The following LMX1A variants were observed in gnomAD, a reference collection of about 807,000 sequenced individuals.
LMX1A encodes the protein LIM homeobox transcription factor 1 alpha.
Under a neutral mutation model 49.1 loss-of-function variants are expected in LMX1A, and 15 were observed. The ratio of observed to expected loss-of-function variants is 0.31; its 90% CI spans 0.20 to 0.47. The LOEUF is 0.47. Ranked by LOEUF, LMX1A falls within the 20% of genes least tolerant of loss-of-function variation. LMX1A has a pLI of 1.00. For missense variants in LMX1A, 372 were observed against 475.8 expected (o/e 0.78, Z 2.03); for synonymous variants, 167 against 185.7 (o/e 0.90, Z 0.82).
chr1:165,346,204 A>G (rs999408388), intron 3 of LMX1A, among the ~76,000 whole-genome samples: 1 of 152,208 alleles, frequency 6.6e-6, no homozygotes, highest in African/African-American at 2.4e-5. Flanking sequence ...CTATCACTCT[A>G]TTATACAACA....
At chr1:165,341,402 C>T (rs1656071749) in intron 3 of LMX1A, among the ~76,000 whole-genome samples, 1 of 152,132 alleles carries the variant, frequency 6.6e-6, no homozygotes, top group Admixed American at 6.5e-5. Flanking sequence ...AACATGTCAC[C>T]TTTTCCATGA....
chr1:165,307,762 G>A (rs2101730689), intron 3 of LMX1A, among the ~76,000 whole-genome samples: 1 of 152,300 alleles, frequency 6.6e-6, no homozygotes, highest in East Asian at 1.9e-4. Context: ...CTGGACCACA[G>A]GTAGAAGGAC....
intron 7 of LMX1A, 69 bp from the exon 8 acceptor site, chr1:165,206,103 A>C: frequency 1.5e-6 from 2 of 1,370,742 alleles, no homozygotes; most frequent in Non-Finnish European, 9.9e-7. Context: ...CTGGGTCCTG[A>C]TTCCCTCATT....
At chr1:165,276,266 A>C (rs192573292) in intron 3 of LMX1A, among the ~76,000 whole-genome samples, 2 of 152,254 alleles carry the variant, frequency 1.3e-5, no homozygotes. Context: ...AGAGGTCTTG[A>C]ATGCTGAGAC....
rs1045824932 is a variant in LMX1A at position 165,316,512 on chromosome 1, A to G, written c.263+36564T>C. Among the ~76,000 whole-genome samples the G allele has an allele frequency of 7.2e-5, 11 of 152,160 alleles. 1 individual carries two copies. Among genetic ancestry groups the G allele is most frequent in the Admixed American group, 7.2e-4 (11 of 15,278 alleles). ...ATGGGCACCCTTGGCAGTAAGACTT[A>G]TGACTCCCTCAAGCTGCTTCACAAG... On this transcript the variant is annotated intron_variant, in intron 3 of 8. Transcript: ENST00000342310.
intron 4 of LMX1A, among the ~76,000 whole-genome samples, chr1:165,222,427 C>T (rs576221508): frequency 2.6e-5 from 4 of 152,246 alleles, no homozygotes; most frequent in African/African-American, 4.8e-5. Flanking sequence ...TTAAGTGGAT[C>T]GAATACCATC....
intron 3 of LMX1A, among the ~76,000 whole-genome samples, chr1:165,344,759 C>T (rs1656183046): frequency 6.6e-6 from 1 of 152,246 alleles, no homozygotes; most frequent in Admixed American, 6.5e-5. Context: ...ATTCCTGATT[C>T]TCTCCAGTGA....
intron 4 of LMX1A, among the ~76,000 whole-genome samples, chr1:165,234,950 C>T (rs1157644550): frequency 1.3e-5 from 2 of 152,100 alleles, no homozygotes; most frequent in African/African-American, 4.8e-5. Flanking sequence ...AGCAAACATT[C>T]ATAGAAAGCA....
intron 3 of LMX1A, among the ~76,000 whole-genome samples, chr1:165,340,160 T>A (rs534772583): frequency 1.3e-5 from 2 of 152,248 alleles, no homozygotes; most frequent in African/African-American, 4.8e-5. Flanking sequence ...CAGGTTGGAG[T>A]GCAATGGTGA....
chr1:165,255,347 G>A (rs376582833), intron 3 of LMX1A, among the ~76,000 whole-genome samples: 109 of 152,318 alleles, frequency 7.2e-4, no homozygotes, highest in African/African-American at 2.5e-3. Context: ...GAGGTTGGCT[G>A]AAATGCTATT....
At chr1:165,291,801 C>T (rs897958318) in intron 3 of LMX1A, among the ~76,000 whole-genome samples, 8 of 152,154 alleles carry the variant, frequency 5.3e-5, no homozygotes, top group Non-Finnish European at 1.2e-4. Context: ...CGGTGGCTCA[C>T]GCCTGTAATC....
At chr1:165,319,034 CA>C (rs1411978234) in intron 3 of LMX1A, among the ~76,000 whole-genome samples, 4 of 143,186 alleles carry the variant, frequency 2.8e-5, no homozygotes, top group African/African-American at 5.1e-5. Flanking sequence ...CACACACACA[CA>C]CACACACCCC....
intron 3 of LMX1A, among the ~76,000 whole-genome samples, chr1:165,271,600 TGCAGTGGACCAAGAGCACAGGTCTTGG>T (rs1653795095): frequency 6.6e-6 from 1 of 152,018 alleles, no homozygotes; most frequent in East Asian, 1.9e-4. Context: ...CAATTGAGGG[TGCAGTGGACCAAGAGCACAGGTCTTGG>T]GCAGTGGCCA....
intron 8 of LMX1A, 102 bp downstream of exon 8, chr1:165,205,762 G>A: frequency 2.7e-6 from 3 of 1,127,862 alleles, no homozygotes; most frequent in Non-Finnish European, 3.9e-6. Context: ...ATTCTGCTTT[G>A]GAACTTCGGT....
At chr1:165,207,134 C>T (rs1024739196) in intron 7 of LMX1A, among the ~76,000 whole-genome samples, 2 of 152,152 alleles carry the variant, frequency 1.3e-5, no homozygotes, top group African/African-American at 2.4e-5. Context: ...CCACCCAGAC[C>T]TTCCTTATGA....
In LMX1A at chr1:165,266,688, G is replaced by A. The variant is rs183635623; in HGVS notation, c.264-17048C>T. Among the ~76,000 whole-genome samples, 225 of 127,180 alleles carry A rather than the reference G, an allele frequency of 1.8e-3. 1 individual carries two copies. The highest frequency in any genetic ancestry group is 5.6e-3 in the African/African-American group (189 of 33,958). 83.4% of individuals were successfully genotyped at this position (127,180 alleles called of 152,430 possible). A position where few individuals can be genotyped will look rare whatever the true frequency, so the allele number is the denominator to read the frequency against. ...GCGATCTTGGCTCACTGCCAGCTCC[G>A]CCTCCCGGGTTCACGCCATTCTCCT... On this transcript the variant is annotated intron_variant, in intron 3 of 8. Transcript: ENST00000342310.
At chr1:165,231,334 A>G (rs1203205441) in intron 4 of LMX1A, among the ~76,000 whole-genome samples, 1 of 151,786 alleles carries the variant, frequency 6.6e-6, no homozygotes, top group East Asian at 1.9e-4. Flanking sequence ...ACAGGGTCGC[A>G]ACTCTACTAC....
intron 3 of LMX1A, among the ~76,000 whole-genome samples, chr1:165,267,433 A>G (rs1037704015): frequency 6.6e-6 from 1 of 152,192 alleles, no homozygotes; most frequent in Non-Finnish European, 1.5e-5. Flanking sequence ...TCATCCATTC[A>G]TGCACATTTG....
In LMX1A at chr1:165,225,263, C is replaced by T. The variant is rs149824404; in HGVS notation, c.497-11450G>A. 2.0e-4 allele frequency among the ~76,000 whole-genome samples: 30 copies of T among 152,274 alleles called. No individual in the cohort carries two copies. The East Asian group carries it at 3.9e-3, about 20-fold the overall frequency. On this transcript the variant is annotated intron_variant, in intron 4 of 8. Transcript: ENST00000342310. The stretch of plus-strand genomic sequence containing the variant: ...GACAGACCTTCCCATAGCCATGCTT[C>T]GTCATTGGTGAGAACACAAGATTAA...
Sources: gnomAD v4.1 joint callset for allele counts (sites outside exome capture counted in the v4.1 genomes callset) on GRCh38, gnomAD v4.1.1 for gene constraint, MANE v1.5 for transcripts, NCBI Gene and HGNC (gene_info 2026-07-23, HGNC 2026-07-21) for gene names.